The following ADAMTSL1 variants were observed in gnomAD, a reference collection of about 807,000 sequenced individuals.
The protein encoded by ADAMTSL1 is ADAMTS like 1, also known as ADAMTS-like protein 1.
A neutral mutation model predicts 201.8 loss-of-function variants in ADAMTSL1; 126 were observed. The ratio of observed to expected loss-of-function variants is 0.62; its 90% CI spans 0.54 to 0.72. ADAMTSL1 has a LOEUF of 0.72. Among genes scored for constraint, ADAMTSL1 ranks in the 30% least tolerant of loss-of-function variants. The pLI, the probability that ADAMTSL1 is intolerant of heterozygous loss-of-function variation, is 0.00. For synonymous variants in ADAMTSL1, 1,121 were observed against 903.4 expected, an observed-to-expected ratio of 1.24 and a Z score of -4.32; for missense variants, 2,679 against 2,277.8, an observed-to-expected ratio of 1.18 and a Z score of -3.59.
intron 2 of ADAMTSL1, among the ~76,000 whole-genome samples, chr9:18,176,981 G>C (rs1461443264): frequency 6.6e-6 from 1 of 152,150 alleles, no homozygotes; most frequent in Non-Finnish European, 1.5e-5. Context: ...AAAATTTCAG[G>C]TAGACATTAT....
intron 23 of ADAMTSL1, among the ~76,000 whole-genome samples, chr9:18,841,610 T>A (rs1354843085): frequency 3.9e-5 from 6 of 152,224 alleles, no homozygotes; most frequent in Non-Finnish European, 5.9e-5. Flanking sequence ...TCAGAAGGAA[T>A]GGTACCAGTT....
chr9:18,523,416 C>A (rs942272927), intron 2 of ADAMTSL1, among the ~76,000 whole-genome samples: 4 of 152,246 alleles, frequency 2.6e-5, no homozygotes, highest in African/African-American at 9.6e-5. Context: ...ATGGTAGTTT[C>A]TTTTGCTGTG....
intron 1 of ADAMTSL1, among the ~76,000 whole-genome samples, chr9:17,934,364 C>A (rs1390560631): frequency 6.6e-6 from 1 of 152,072 alleles, no homozygotes; most frequent in Non-Finnish European, 1.5e-5. Flanking sequence ...TTACTTCCAC[C>A]TTTTTATGAC....
rs116292051 is a variant in ADAMTSL1 at position 18,261,805 on chromosome 9, T to C, written c.207+97824T>C. ...AGGTGGCACGCATATCATATGTGTT[T>C]TCTGGAAGCACCCTAAATAAAATCA... On this transcript the variant is annotated intron_variant, in intron 2 of 29. Coordinates refer to the ADAMTSL1 transcript ENST00000680146. 8.8e-3 allele frequency among the ~76,000 whole-genome samples: 1,344 copies of C among 152,304 alleles called. 15 individuals are homozygous for C. The highest frequency in any genetic ancestry group is 0.031 in the African/African-American group (1,288 of 41,560).
chr9:18,642,725 T>G (rs951170344), intron 7 of ADAMTSL1, among the ~76,000 whole-genome samples: 1 of 151,994 alleles, frequency 6.6e-6, no homozygotes, highest in Non-Finnish European at 1.5e-5. Context: ...AACATAATGT[T>G]CTCCAGGTTC....
At chr9:18,600,741 A>C (rs1280877017) in intron 4 of ADAMTSL1, among the ~76,000 whole-genome samples, 1 of 152,208 alleles carries the variant, frequency 6.6e-6, no homozygotes, top group African/African-American at 2.4e-5. Context: ...TTGATGCCAC[A>C]TTAAAGGCTT....
At chr9:18,287,765 G>C (rs566479635) in intron 2 of ADAMTSL1, among the ~76,000 whole-genome samples, 65 of 145,336 alleles carry the variant, frequency 4.5e-4, no homozygotes, top group African/African-American at 1.5e-3. Context: ...ATATATTGGG[G>C]TGCATATATA....
chr9:18,524,000 G>C (rs1301988977), intron 2 of ADAMTSL1, among the ~76,000 whole-genome samples: 1 of 145,116 alleles, frequency 6.9e-6, no homozygotes, highest in African/African-American at 2.6e-5. Context: ...TAGCTTGATG[G>C]GGATGGCATT....
chr9:18,215,360 G>A (rs1305221084), intron 2 of ADAMTSL1, among the ~76,000 whole-genome samples: 1 of 152,030 alleles, frequency 6.6e-6, no homozygotes, highest in Admixed American at 6.6e-5. Flanking sequence ...GGAAATTTAT[G>A]GGAAAACCTT....
intron 1 of ADAMTSL1, among the ~76,000 whole-genome samples, chr9:18,095,845 A>G (rs10963446): frequency 0.032 from 4,803 of 152,256 alleles, 100 homozygotes; most frequent in Middle Eastern, 0.048. Context: ...GGGAAATGGT[A>G]TTTGAAGATC....
intron 13 of ADAMTSL1, among the ~76,000 whole-genome samples, chr9:18,706,420 G>A (rs969172440): frequency 6.6e-6 from 1 of 152,126 alleles, no homozygotes; most frequent in African/African-American, 2.4e-5. Flanking sequence ...TATCTCATTG[G>A]AATTTAGAGT....
intron 1 of ADAMTSL1, among the ~76,000 whole-genome samples, chr9:18,042,525 A>G (rs1326403752): frequency 6.6e-6 from 1 of 152,122 alleles, no homozygotes; most frequent in African/African-American, 2.4e-5. Context: ...ACTAATACAT[A>G]GGATCTGAAA....
chr9:18,541,840 A>G (rs962527275), intron 3 of ADAMTSL1, among the ~76,000 whole-genome samples: 27 of 152,286 alleles, frequency 1.8e-4, no homozygotes, highest in Admixed American at 7.2e-4. Context: ...TGATATGCTC[A>G]TAGCATGGAA....
chr9:18,069,023 G>A (rs757597861), intron 1 of ADAMTSL1, among the ~76,000 whole-genome samples: 1 of 152,174 alleles, frequency 6.6e-6, no homozygotes, highest in Non-Finnish European at 1.5e-5. Context: ...AGAACAGCAT[G>A]TGTAAAGACA....
chr9:18,014,663 C>T (rs1483182632), intron 1 of ADAMTSL1, among the ~76,000 whole-genome samples: 1 of 152,008 alleles, frequency 6.6e-6, no homozygotes, highest in Non-Finnish European at 1.5e-5. Flanking sequence ...GGTTTCAAAG[C>T]AAAGTTGTTA....
At chr9:18,282,332 G>C (rs773442073) in intron 2 of ADAMTSL1, among the ~76,000 whole-genome samples, 1 of 152,124 alleles carries the variant, frequency 6.6e-6, no homozygotes, top group Non-Finnish European at 1.5e-5. Context: ...AATTATGTTG[G>C]TTCCATGACT....
At chr9:18,787,824 C>T (rs887287397) in intron 19 of ADAMTSL1, among the ~76,000 whole-genome samples, 1 of 152,010 alleles carries the variant, frequency 6.6e-6, no homozygotes, top group East Asian at 1.9e-4. Flanking sequence ...GACCCCTATC[C>T]CTAGTGGATA....
intron 1 of ADAMTSL1, among the ~76,000 whole-genome samples, chr9:18,502,331 A>T (rs1314245449): frequency 6.6e-6 from 1 of 152,230 alleles, no homozygotes; most frequent in African/African-American, 2.4e-5. Context: ...TTGCAGAGAT[A>T]TATATTTGTC....
At chr9:18,580,266 T>C (rs1823014250) in intron 4 of ADAMTSL1, among the ~76,000 whole-genome samples, 1 of 152,148 alleles carries the variant, frequency 6.6e-6, no homozygotes, top group South Asian at 2.1e-4. Context: ...TCTGGCAACA[T>C]CAAAATGAAC....
Sources: gnomAD v4.1 joint callset for allele counts (sites outside exome capture counted in the v4.1 genomes callset) on GRCh38, gnomAD v4.1.1 for gene constraint, MANE v1.5 for transcripts, NCBI Gene and HGNC (gene_info 2026-07-23, HGNC 2026-07-21) for gene names.